The following MDGA2 variants were observed in gnomAD, a reference collection of about 807,000 sequenced individuals.
MDGA2 encodes the protein MAM domain containing glycosylphosphatidylinositol anchor 2.
A neutral mutation model predicts 117.8 loss-of-function variants in MDGA2; 40 were observed. The observed-to-expected ratio is 0.34, with a 90% CI of 0.26 to 0.44. The LOEUF (loss-of-function observed/expected upper bound fraction) is 0.44. MDGA2 is among the 20% of genes least tolerant of loss of function. The probability of loss-of-function intolerance (pLI) is 1.00; values close to 1 mark genes in which losing one functional copy is unlikely to be tolerated. For missense variants in MDGA2, 1,123 were observed against 1,250.6 expected, an observed-to-expected ratio of 0.90 and a Z score of 1.54; for synonymous variants, 452 against 439.0, an observed-to-expected ratio of 1.03 and a Z score of -0.37.
At chr14:46,919,389 C>T (rs1420612042) in intron 10 of MDGA2, among the ~76,000 whole-genome samples, 4 of 152,192 alleles carry the variant, frequency 2.6e-5, no homozygotes, top group Admixed American at 6.5e-5. Flanking sequence ...AAGACCTCCA[C>T]TTAAATTTCA....
At chr14:47,084,838 C>G (rs1890840208) in intron 6 of MDGA2, among the ~76,000 whole-genome samples, 1 of 152,158 alleles carries the variant, frequency 6.6e-6, no homozygotes, top group Non-Finnish European at 1.5e-5. Flanking sequence ...CATGCCAACA[C>G]ACTGATCTTG....
chr14:46,870,706 GTCC>G (rs1881960299), intron 14 of MDGA2, among the ~76,000 whole-genome samples: 1 of 151,932 alleles, frequency 6.6e-6, no homozygotes, highest in Admixed American at 6.6e-5. Context: ...ATGGAGAACT[GTCC>G]TCCTAATTTT....
chr14:47,298,468 T>G (rs1194910686), intron 2 of MDGA2, among the ~76,000 whole-genome samples: 1 of 152,128 alleles, frequency 6.6e-6, no homozygotes, highest in African/African-American at 2.4e-5. Context: ...ATGAGGAACC[T>G]CTCTCTTCCA....
intron 2 of MDGA2, among the ~76,000 whole-genome samples, chr14:47,270,866 T>C (rs529986711): frequency 6.6e-6 from 1 of 152,268 alleles, no homozygotes; most frequent in African/African-American, 2.4e-5. Flanking sequence ...TCATTTGACT[T>C]TCAAAACAAA....
intron 1 of MDGA2, among the ~76,000 whole-genome samples, chr14:47,561,171 G>GGTTT (rs1895803954): frequency 1.5e-5 from 1 of 68,494 alleles, no homozygotes; most frequent in East Asian, 9.9e-4. Flanking sequence ...TTGTTTTTTT[G>GGTTT]TTTGTTTGTT....
chr14:47,147,768 T>A (rs1218612118), intron 3 of MDGA2, among the ~76,000 whole-genome samples: 1 of 152,150 alleles, frequency 6.6e-6, no homozygotes, highest in African/African-American at 2.4e-5. Context: ...AGACTCTGGT[T>A]AGTCTCTTTC....
At chr14:46,871,375 ACT>A (rs1251741965) in intron 14 of MDGA2, 2 of 151,854 alleles carry the variant, frequency 1.3e-5, no homozygotes, top group Admixed American at 6.6e-5. Flanking sequence ...AAACAGGCAG[ACT>A]CTGTCCAGCT....
At chr14:47,469,853 G>GT (rs1437279918) in intron 1 of MDGA2, among the ~76,000 whole-genome samples, 1 of 152,092 alleles carries the variant, frequency 6.6e-6, no homozygotes. Context: ...ATTCTAACTG[G>GT]TGTCAGCACT....
At chr14:47,564,663 G>C (rs1955800) in intron 1 of MDGA2, among the ~76,000 whole-genome samples, 119,079 of 152,082 alleles carry the variant, frequency 0.78, 46,937 homozygotes, top group East Asian at 1. Flanking sequence ...ATCAGCTGGC[G>C]TCTGTAGTGA....
chr14:47,208,092 G>A (rs539531534), intron 3 of MDGA2, among the ~76,000 whole-genome samples: 10 of 152,094 alleles, frequency 6.6e-5, no homozygotes, highest in Admixed American at 6.5e-4. Flanking sequence ...CTTAAAGTTG[G>A]AGGTAGAAAT....
intron 2 of MDGA2, among the ~76,000 whole-genome samples, chr14:47,255,454 T>C (rs1176849187): frequency 6.6e-6 from 1 of 152,200 alleles, no homozygotes; most frequent in Non-Finnish European, 1.5e-5. Flanking sequence ...GGTGTTCAGA[T>C]TCAGGTTGTT....
chr14:47,421,620 A>T (rs2138508036), intron 1 of MDGA2, among the ~76,000 whole-genome samples: 1 of 152,238 alleles, frequency 6.6e-6, no homozygotes, highest in African/African-American at 2.4e-5. Context: ...ATGTTGCATA[A>T]ATAGAGTTGT....
chr14:47,526,025 A>G (rs1211080005), intron 1 of MDGA2, among the ~76,000 whole-genome samples: 1 of 152,124 alleles, frequency 6.6e-6, no homozygotes, highest in East Asian at 1.9e-4. Context: ...CTTTCAGTTC[A>G]CTAACCCTCT....
Position 46,855,609 on chromosome 14 carries a change from T to G in MDGA2, c.2753-455A>C, listed in dbSNP as rs138609991. 2.0e-5 allele frequency among the ~76,000 whole-genome samples: 3 copies of G among 152,228 alleles called. No individual in the cohort carries two copies. The highest frequency in any genetic ancestry group is 4.8e-5 in the African/African-American group (2 of 41,564). ...GCTAGTAAAGGCAAAGGAAAGGGCT[T>G]CTTTCCTGGAGCTTCAGAAGAAGTC... On this transcript the variant is annotated intron_variant, in intron 14 of 16. Transcript: ENST00000399232. The surrounding 1 kb of genome is among the most constrained non-coding windows in gnomAD (Gnocchi z 4.1).
intron 3 of MDGA2, among the ~76,000 whole-genome samples, chr14:47,204,208 A>C (rs1433389678): frequency 4.6e-5 from 7 of 152,076 alleles, no homozygotes; most frequent in Non-Finnish European, 8.8e-5. Context: ...TTGTCTTAGA[A>C]CAACACTACA....
chr14:47,655,511 C>T (rs925886470), intron 1 of MDGA2, among the ~76,000 whole-genome samples: 3 of 152,112 alleles, frequency 2.0e-5, no homozygotes, highest in Admixed American at 2.0e-4. Context: ...GCAAGTACTT[C>T]GGAAGTCTGG....
chr14:47,103,033 A>T (rs192127597), intron 5 of MDGA2, among the ~76,000 whole-genome samples: 13 of 152,334 alleles, frequency 8.5e-5, no homozygotes, highest in East Asian at 3.9e-4. Flanking sequence ...CACCCCTATC[A>T]ATCAAGATAT....
intron 2 of MDGA2, among the ~76,000 whole-genome samples, chr14:47,223,369 C>T (rs965671839): frequency 6.6e-6 from 1 of 152,142 alleles, no homozygotes; most frequent in African/African-American, 2.4e-5. Context: ...TTTATTTTAA[C>T]TTAATTCAGT....
intron 5 of MDGA2, among the ~76,000 whole-genome samples, chr14:47,101,213 A>C (rs1880305398): frequency 6.6e-6 from 1 of 152,148 alleles, no homozygotes; most frequent in African/African-American, 2.4e-5. Flanking sequence ...AAAGGAAAGA[A>C]AGGAAGGGAA....
Sources: allele counts gnomAD v4.1 joint callset (sites outside exome capture counted in the v4.1 genomes callset), GRCh38; gene constraint gnomAD v4.1.1; non-coding constraint Gnocchi (gnomAD v3.1); transcripts MANE v1.5; gene names NCBI Gene and HGNC (gene_info 2026-07-23, HGNC 2026-07-21).